Variants in ZNF804A observed in about 807,000 individuals in gnomAD.
The protein encoded by ZNF804A is zinc finger protein 804A.
In ZNF804A, 2 loss-of-function variants were observed where a neutral mutation model predicts 16.5. The observed-to-expected ratio is 0.12, with a 90% CI of 0.05 to 0.38. The LOEUF (loss-of-function observed/expected upper bound fraction) is 0.38, where lower values mean the gene tolerates loss of function less well. Among genes scored for constraint, ZNF804A ranks in the 10% least tolerant of loss-of-function variants. ZNF804A has a pLI of 0.99. For synonymous variants in ZNF804A, 534 were observed against 489.6 expected, an observed-to-expected ratio of 1.09 and a Z score of -1.20; for missense variants, 1,473 against 1,390.7, an observed-to-expected ratio of 1.06 and a Z score of -0.94.
chr2:184,877,236 CTGTT>C (rs1462122420), intron 2 of ZNF804A, among the ~76,000 whole-genome samples: 1 of 151,972 alleles, frequency 6.6e-6, no homozygotes, highest in Non-Finnish European at 1.5e-5. Context: ...AAGAATAAAT[CTGTT>C]TGGGGAAATA....
intron 1 of ZNF804A, among the ~76,000 whole-genome samples, chr2:184,781,271 G>A (rs1694367186): frequency 6.6e-6 from 1 of 151,718 alleles, no homozygotes. Flanking sequence ...AATGGGCCAA[G>A]AAAAGCTGCT....
intron 1 of ZNF804A, among the ~76,000 whole-genome samples, chr2:184,708,743 T>C (rs904503943): frequency 3.3e-5 from 5 of 152,246 alleles, no homozygotes; most frequent in African/African-American, 1.2e-4. Flanking sequence ...TCTATAAATA[T>C]ATACACTATG....
intron 1 of ZNF804A, among the ~76,000 whole-genome samples, chr2:184,708,951 A>G (rs1253955706): frequency 6.6e-6 from 1 of 151,972 alleles, no homozygotes; most frequent in Non-Finnish European, 1.5e-5. Flanking sequence ...TCGAAACTCC[A>G]TTGAGCCTCC....
At chr2:184,821,708 A>T (rs1695089081) in intron 1 of ZNF804A, among the ~76,000 whole-genome samples, 1 of 152,166 alleles carries the variant, frequency 6.6e-6, no homozygotes, top group South Asian at 2.1e-4. Flanking sequence ...ACTTAAACAG[A>T]TTTACAAGGA....
chr2:184,740,161 C>T (rs1229417395), intron 1 of ZNF804A, among the ~76,000 whole-genome samples: 1 of 152,170 alleles, frequency 6.6e-6, no homozygotes, highest in Non-Finnish European at 1.5e-5. Flanking sequence ...CTTCAGTCAA[C>T]TCCATAAGTG....
chr2:184,872,335 G>A (rs1695990290), intron 2 of ZNF804A, among the ~76,000 whole-genome samples: 1 of 152,030 alleles, frequency 6.6e-6, no homozygotes, highest in Admixed American at 6.6e-5. Context: ...TGAGGTCGTA[G>A]AGCAAAAACA....
chr2:184,680,253 G>A (rs146429929), intron 1 of ZNF804A, among the ~76,000 whole-genome samples: 1,876 of 151,698 alleles, frequency 0.012, 17 homozygotes, highest in Non-Finnish European at 0.019. Context: ...TACCCACTGC[G>A]GGTCTCCTCT....
intron 1 of ZNF804A, among the ~76,000 whole-genome samples, chr2:184,711,538 T>C (rs1054784381): frequency 1.1e-4 from 17 of 151,874 alleles, no homozygotes; most frequent in African/African-American, 3.6e-4. Flanking sequence ...ATTTTTGCTT[T>C]TGTTGCTTGC....
At chr2:184,654,298 A>G (rs1692040354) in intron 1 of ZNF804A, among the ~76,000 whole-genome samples, 1 of 152,200 alleles carries the variant, frequency 6.6e-6, no homozygotes, top group South Asian at 2.1e-4. Flanking sequence ...CTGGAGGCAG[A>G]TTAACTAGAG....
At chr2:184,755,419 T>G (rs1693944836) in intron 1 of ZNF804A, among the ~76,000 whole-genome samples, 1 of 151,986 alleles carries the variant, frequency 6.6e-6, no homozygotes, top group Admixed American at 6.6e-5. Flanking sequence ...ACTTGGCCCC[T>G]AAGGCAATCA....
At chr2:184,697,783 T>G (rs924107725) in intron 1 of ZNF804A, among the ~76,000 whole-genome samples, 2 of 152,084 alleles carry the variant, frequency 1.3e-5, no homozygotes, top group Non-Finnish European at 1.5e-5. Context: ...CCATTTGATT[T>G]TTAGGAACTT....
chr2:184,607,027 G>T (rs770920123), intron 1 of ZNF804A, among the ~76,000 whole-genome samples: 12 of 152,208 alleles, frequency 7.9e-5, no homozygotes, highest in Non-Finnish European at 1.8e-4. Flanking sequence ...AACTATATAG[G>T]TTTAAAATTG....
At chr2:184,838,864 A>G (rs565099728) in intron 1 of ZNF804A, among the ~76,000 whole-genome samples, 1 of 152,218 alleles carries the variant, frequency 6.6e-6, no homozygotes, top group African/African-American at 2.4e-5. Flanking sequence ...GATATTGCCT[A>G]CAAATTGATT....
intron 2 of ZNF804A, among the ~76,000 whole-genome samples, chr2:184,931,478 C>T (rs545194750): frequency 2.6e-5 from 4 of 152,338 alleles, no homozygotes; most frequent in Admixed American, 6.5e-5. Context: ...GGCTTGCACC[C>T]TCTGAAGCAA....
intron 1 of ZNF804A, among the ~76,000 whole-genome samples, chr2:184,726,750 A>G (rs116034865): frequency 0.041 from 6,288 of 151,610 alleles, 427 homozygotes; most frequent in African/African-American, 0.14. Context: ...TATCTTAAAA[A>G]TACTTTTGTA....
intron 1 of ZNF804A, among the ~76,000 whole-genome samples, chr2:184,670,943 C>T (rs954073350): frequency 5.9e-5 from 9 of 152,066 alleles, no homozygotes; most frequent in African/African-American, 2.2e-4. Context: ...CATTATAGTT[C>T]TCAATCTAAC....
intron 2 of ZNF804A, among the ~76,000 whole-genome samples, chr2:184,896,409 A>C (rs1261388956): frequency 6.6e-6 from 1 of 152,168 alleles, no homozygotes; most frequent in East Asian, 1.9e-4. Context: ...CCAGGGAGTC[A>C]TGGCGCCATC....
intron 1 of ZNF804A, among the ~76,000 whole-genome samples, chr2:184,844,639 T>A (rs1214810753): frequency 1.3e-5 from 2 of 151,954 alleles, no homozygotes; most frequent in Admixed American, 6.6e-5. Flanking sequence ...AATTCAAGAC[T>A]TTTCTCTTGG....
rs190269692 is a variant in ZNF804A, at chr2:184,939,178, A to G, written c.*152A>G. 11 of 905,440 alleles carry G rather than the reference A, an allele frequency of 1.2e-5. No homozygotes were observed. Among genetic ancestry groups the G allele is most frequent in the South Asian group, 3.6e-5 (2 of 55,268 alleles). 56.1% of individuals were successfully genotyped at this position (905,440 alleles called of 1,614,324 possible). A position where few individuals can be genotyped will look rare whatever the true frequency, so the allele number is the denominator to read the frequency against. ...TTTGAAATCATTTACTGTAAGTGCA[A>G]TGATGCAAATAAATCCCTAAGTTTC... is the stretch of plus-strand genomic sequence containing the variant. On this transcript the variant is annotated 3_prime_UTR_variant, in exon 4 of 4. Coordinates refer to ENST00000302277, the MANE Select transcript of ZNF804A (RefSeq NM_194250.2).
Sources: allele counts gnomAD v4.1 joint callset (sites outside exome capture counted in the v4.1 genomes callset), GRCh38; gene constraint gnomAD v4.1.1; transcripts MANE v1.5; gene names NCBI Gene and HGNC (gene_info 2026-07-23, HGNC 2026-07-21).